The following MLF1 variants were observed in gnomAD, a reference collection of about 807,000 sequenced individuals.
MLF1 encodes myeloid leukemia factor 1.
Under a neutral mutation model 38.3 loss-of-function variants are expected in MLF1, and 37 were observed. The ratio of observed to expected loss-of-function variants is 0.96; its 90% confidence interval spans 0.74 to 1.27. The LOEUF is 1.27. MLF1 is among the 50% of genes most tolerant of loss of function. MLF1 has a pLI of 0.00. For synonymous variants in MLF1, 95 were observed against 106.5 expected (o/e 0.89, Z 0.66); for missense variants, 331 against 349.2 (o/e 0.95, Z 0.42).
chr3:158,582,029 A>T (rs566118285), intron 1 of MLF1, among the ~76,000 whole-genome samples: 1 of 152,066 alleles, frequency 6.6e-6, no homozygotes, highest in East Asian at 1.9e-4. Flanking sequence ...AAAATACAAA[A>T]ATTAGCCGGG....
chr3:158,596,796 G>A (rs980403250), intron 3 of MLF1, 66 bp from the exon 4 acceptor site: 92 of 979,596 alleles, frequency 9.4e-5, no homozygotes, highest in Non-Finnish European at 1.3e-4. Flanking sequence ...AGCTGTTTTG[G>A]AAGATGTATT....
Position 158,571,224 on chromosome 3 carries a change from C to T in MLF1, c.-77C>T. On this transcript the variant is annotated 5_prime_UTR_variant, in exon 1 of 8. Transcript: ENST00000466246. ...AGGCGTCGTCCGTACTGGAGGCTAGCTCTTGTCGCGGCCGCGGCGAGTTAA... is the reference window on the plus strand; with the variant it reads ...AGGCGTCGTCCGTACTGGAGGCTAGTTCTTGTCGCGGCCGCGGCGAGTTAA... The T allele has an allele frequency of 1.6e-6, 2 of 1,237,574 alleles. No individual in the cohort carries two copies. Among genetic ancestry groups the T allele is most frequent in the African/African-American group, 3.0e-5 (2 of 67,758 alleles). 76.7% of individuals were successfully genotyped at this position (1,237,574 alleles called of 1,614,324 possible).
chr3:158,603,006 T>A (rs908246231), intron 7 of MLF1, 67 bp downstream of exon 7: 1 of 1,427,310 alleles, frequency 7.0e-7, no homozygotes, highest in Non-Finnish European at 9.5e-7. Context: ...TGTAATTTAC[T>A]TCTGTTATCA....
At chr3:158,571,417 A>G (rs1714258677) in intron 1 of MLF1, 70 bp downstream of exon 1, 1 of 1,595,210 alleles carries the variant, frequency 6.3e-7, no homozygotes, top group African/African-American at 1.3e-5. Flanking sequence ...ATTTTAAGGG[A>G]AAAGAGCGAG....
intron 3 of MLF1, among the ~76,000 whole-genome samples, chr3:158,596,150 A>G (rs952586663): frequency 1.2e-4 from 18 of 152,116 alleles, no homozygotes; most frequent in African/African-American, 4.3e-4. Flanking sequence ...CATCTGTGAC[A>G]GCCAAAAATG....
chr3:158,597,129 CTA>C (rs1718996545), intron 4 of MLF1, among the ~76,000 whole-genome samples, 184 bp downstream of exon 4: 1 of 151,954 alleles, frequency 6.6e-6, no homozygotes, highest in Non-Finnish European at 1.5e-5. Context: ...GAAAAAATGA[CTA>C]TACTATTTAC....
At chr3:158,599,775 T>C (rs1719467272) in intron 5 of MLF1, among the ~76,000 whole-genome samples, 1 of 152,132 alleles carries the variant, frequency 6.6e-6, no homozygotes, top group Non-Finnish European at 1.5e-5. Flanking sequence ...AATATTTGAT[T>C]ACAATTTGGA....
At chr3:158,582,955 T>C (rs1293449222) in intron 1 of MLF1, 7 of 665,194 alleles carry the variant, frequency 1.1e-5, no homozygotes, top group Non-Finnish European at 1.9e-5. Context: ...TTATTTTTCT[T>C]ATTCTTAATG....
Position 158,600,702 on chromosome 3 carries a change from T to C in MLF1, c.613+529T>C, listed in dbSNP as rs184162738. ...TATTTTTCAAAAGCATTTTAAGTGG[T>C]TACCTTAAAGTTTTATTGTAAATAA... On this transcript the variant is annotated intron_variant, in intron 6 of 7. Coordinates refer to ENST00000466246, the MANE Select transcript of MLF1 (RefSeq NM_001369783.1). Among the ~76,000 whole-genome samples, 203 of 151,610 alleles carry C rather than the reference T, an allele frequency of 1.3e-3. 7 individuals carry two copies. In the East Asian group the frequency reaches 0.038, roughly 28 times the overall value.
intron 4 of MLF1, among the ~76,000 whole-genome samples, chr3:158,597,273 AAT>A (rs1325005669): frequency 2.0e-5 from 3 of 152,030 alleles, no homozygotes; most frequent in African/African-American, 7.3e-5. Flanking sequence ...TTGGAAAAAA[AAT>A]AACCTCAAAA....
chr3:158,585,202 T>C (rs1017068906), intron 1 of MLF1, among the ~76,000 whole-genome samples: 9 of 152,096 alleles, frequency 5.9e-5, no homozygotes, highest in African/African-American at 2.2e-4. Flanking sequence ...AATAGATTAA[T>C]GCCCTCCCTG....
At chr3:158,583,611 A>AT (rs776180247) in intron 1 of MLF1, among the ~76,000 whole-genome samples, 28 of 152,314 alleles carry the variant, frequency 1.8e-4, no homozygotes, top group East Asian at 9.6e-4. Context: ...GAGATGGGAA[A>AT]TGGAAGTCTC....
At position 158,606,314 on chromosome 3, in the gene MLF1, C is replaced by T. The variant is rs1720482044; in HGVS notation, c.*1112C>T. On this transcript the variant is annotated 3_prime_UTR_variant, in exon 8 of 8. Coordinates refer to ENST00000466246, the MANE Select transcript of MLF1 (RefSeq NM_001369783.1). ...CAAAAATTGCTATCACTCTATAATC[C>T]TAAGTATTTTTCTTTTCAATTTTGT... The T allele has an allele frequency of 5.8e-6, 1 of 171,986 alleles. No individual in the cohort carries two copies. Among genetic ancestry groups the T allele is most frequent in the African/African-American group, 2.4e-5 (1 of 42,054 alleles). 10.7% of individuals were successfully genotyped at this position (171,986 alleles called of 1,614,324 possible). A position where few individuals can be genotyped will look rare whatever the true frequency, so the allele number is the denominator to read the frequency against.
At chr3:158,574,886 A>G (rs974082775) in intron 1 of MLF1, among the ~76,000 whole-genome samples, 2 of 152,070 alleles carry the variant, frequency 1.3e-5, no homozygotes, top group African/African-American at 2.4e-5. Context: ...ATGATAGACA[A>G]TTTTCGAGTT....
intron 1 of MLF1, among the ~76,000 whole-genome samples, chr3:158,591,595 TC>T (rs1186018732): frequency 6.6e-6 from 1 of 152,110 alleles, no homozygotes; most frequent in African/African-American, 2.4e-5. Context: ...GAGAGGGAGT[TC>T]CACTGGGCTG....
intron 1 of MLF1, among the ~76,000 whole-genome samples, chr3:158,572,295 C>T (rs1714580752): frequency 1.1e-5 from 1 of 87,382 alleles, no homozygotes; most frequent in Admixed American, 1.1e-4. Flanking sequence ...GGTTTGGGAG[C>T]ATGAGGTGCA....
chr3:158,582,841 A>G, intron 1 of MLF1: 1 of 679,782 alleles, frequency 1.5e-6, no homozygotes, highest in Non-Finnish European at 2.6e-6. Flanking sequence ...AGAAATGTTA[A>G]AAGAAGTTCT....
At chr3:158,579,172 G>A (rs1040875110) in intron 1 of MLF1, among the ~76,000 whole-genome samples, 42 of 151,954 alleles carry the variant, frequency 2.8e-4, no homozygotes, top group African/African-American at 1.0e-3. Context: ...TTTCCTAGAA[G>A]AATGAAATTT....
chr3:158,599,069 A>C (rs1368588599), intron 5 of MLF1, among the ~76,000 whole-genome samples: 1 of 152,180 alleles, frequency 6.6e-6, no homozygotes, highest in Non-Finnish European at 1.5e-5. Context: ...TCTGAGATTT[A>C]TTCAAGTTGA....
Sources: gnomAD v4.1 joint callset for allele counts (sites outside exome capture counted in the v4.1 genomes callset) on GRCh38, gnomAD v4.1.1 for gene constraint, MANE v1.5 for transcripts, NCBI Gene and HGNC (gene_info 2026-07-23, HGNC 2026-07-21) for gene names.